PRKN: variants seen among roughly 807,000 people sequenced by gnomAD.
PRKN encodes the protein E3 ubiquitin-protein ligase parkin.
A neutral mutation model predicts 59.5 loss-of-function variants in PRKN; 56 were observed. That is an observed-to-expected ratio of 0.94 (90% CI 0.76 to 1.18). The LOEUF (loss-of-function observed/expected upper bound fraction) is 1.18, where lower values mean the gene tolerates loss of function less well. Among genes scored for constraint, PRKN ranks in the 50% most tolerant of loss-of-function variants. The probability of loss-of-function intolerance (pLI) is 0.00; values close to 1 mark genes in which losing one functional copy is unlikely to be tolerated. For missense variants in PRKN, 657 were observed against 596.4 expected, an observed-to-expected ratio of 1.10 and a Z score of -1.06; for synonymous variants, 250 against 222.1, an observed-to-expected ratio of 1.13 and a Z score of -1.12.
chr6:161,692,091 T>G (rs985072387), intron 7 of PRKN, among the ~76,000 whole-genome samples: 22 of 152,196 alleles, frequency 1.4e-4, no homozygotes, highest in Non-Finnish European at 2.4e-4. Flanking sequence ...TAAGGGAAAA[T>G]GGAAATAAAG....
intron 6 of PRKN, among the ~76,000 whole-genome samples, chr6:161,823,168 C>A (rs542632674): frequency 2.1e-4 from 32 of 151,330 alleles, no homozygotes; most frequent in African/African-American, 7.5e-4. Context: ...AACCCCTGGG[C>A]TCAAGTGATC....
At chr6:162,598,853 CAAA>C (rs35219327) in intron 1 of PRKN, among the ~76,000 whole-genome samples, 7 of 106,894 alleles carry the variant, frequency 6.5e-5, no homozygotes, top group Admixed American at 2.0e-4. Flanking sequence ...ATTCTGTCAC[CAAA>C]AAAAAAAAAA....
intron 6 of PRKN, among the ~76,000 whole-genome samples, chr6:161,968,187 A>ATT (rs530441181): frequency 1.2e-4 from 15 of 127,998 alleles, no homozygotes; most frequent in African/African-American, 2.7e-4. Flanking sequence ...TGCCTGGCTA[A>ATT]TTTTTTTTTT....
chr6:162,416,221 A>G (rs1226580405), intron 2 of PRKN, among the ~76,000 whole-genome samples: 1 of 152,108 alleles, frequency 6.6e-6, no homozygotes, highest in African/African-American at 2.4e-5. Context: ...CTATTTTCCT[A>G]AATAATATAT....
rs1202286278 is a variant in PRKN, at chr6:161,490,398, T to TTA, written c.1083+58455_1083+58456insTA. On this transcript the variant is annotated intron_variant, in intron 9 of 11. Coordinates refer to ENST00000366898, the MANE Select transcript of PRKN (RefSeq NM_004562.3). ...CTTTCTTTCTTTCCTTTTTTTTTTT[T>TTA]TTTTGAGACAGAGTCTCACTCTGTT... 2.7e-5 allele frequency among the ~76,000 whole-genome samples: 4 copies of TTA among 148,648 alleles called. No individual in the cohort carries two copies. In the South Asian group the frequency reaches 8.7e-4, roughly 32 times the overall value.
intron 2 of PRKN, among the ~76,000 whole-genome samples, chr6:162,265,978 C>T (rs1780113173): frequency 6.6e-6 from 1 of 152,196 alleles, no homozygotes; most frequent in South Asian, 2.1e-4. Context: ...CCGTGTCAGG[C>T]AGCACTCCTC....
At chr6:162,252,453 T>A (rs1181651722) in intron 3 of PRKN, among the ~76,000 whole-genome samples, 1 of 152,214 alleles carries the variant, frequency 6.6e-6, no homozygotes, top group Non-Finnish European at 1.5e-5. Flanking sequence ...CTTCTCCCAC[T>A]GCTATGGTCT....
At chr6:161,919,843 G>A (rs1158287817) in intron 6 of PRKN, among the ~76,000 whole-genome samples, 1 of 152,190 alleles carries the variant, frequency 6.6e-6, no homozygotes, top group Non-Finnish European at 1.5e-5. Flanking sequence ...AGGGACACAG[G>A]TAAAGTTGAA....
intron 7 of PRKN, among the ~76,000 whole-genome samples, chr6:161,704,203 G>A (rs967951564): frequency 2.0e-5 from 3 of 152,098 alleles, no homozygotes; most frequent in African/African-American, 4.8e-5. Context: ...CAGAGCCTGT[G>A]TGGCATCTAG....
chr6:162,205,808 T>G (rs1003891004), intron 3 of PRKN, among the ~76,000 whole-genome samples: 12 of 152,210 alleles, frequency 7.9e-5, no homozygotes, highest in African/African-American at 2.9e-4. Context: ...ATGGAGAACT[T>G]GAAACTTAGT....
Position 161,352,767 on chromosome 6 carries a change from A to ATTTTT in PRKN, c.1286-2557_1286-2556insAAAAA, listed in dbSNP as rs1477609421. Among the ~76,000 whole-genome samples the ATTTTT allele has an allele frequency of 2.6e-5, 3 of 113,386 alleles. No individual in the cohort carries two copies. The highest frequency in any genetic ancestry group is 8.9e-5 in the African/African-American group (3 of 33,548). The allele number at this position is 113,386 out of a possible 152,430, so 74.4% of individuals were successfully genotyped here. A position where few individuals can be genotyped will look rare whatever the true frequency, so the allele number is the denominator to read the frequency against. On this transcript the variant is annotated intron_variant, in intron 11 of 11. Coordinates refer to ENST00000366898, the MANE Select transcript of PRKN (RefSeq NM_004562.3). This position sits in a 1 kb window ranked among gnomAD's most constrained non-coding sequence, Gnocchi z 5.8. ...TGTGTGTGTGTGTGTATATATATAT[A>ATTTTT]TATATTTTATTTTATTTTATTTTAT...
intron 7 of PRKN, among the ~76,000 whole-genome samples, chr6:161,683,266 T>C (rs1399401830): frequency 1.3e-5 from 2 of 152,120 alleles, no homozygotes; most frequent in Admixed American, 6.5e-5. Context: ...AGCCCACTGA[T>C]TGCAACTCAG....
chr6:162,381,873 A>T (rs1306445747), intron 2 of PRKN, among the ~76,000 whole-genome samples: 2 of 152,170 alleles, frequency 1.3e-5, no homozygotes, highest in Admixed American at 6.5e-5. Context: ...GCATAACTCC[A>T]AGTAAAAATT....
At chr6:161,839,021 G>A (rs1402152946) in intron 6 of PRKN, among the ~76,000 whole-genome samples, 1 of 152,126 alleles carries the variant, frequency 6.6e-6, no homozygotes, top group Non-Finnish European at 1.5e-5. Flanking sequence ...GAGGTGGGGG[G>A]AGGAGCAGCC....
At chr6:161,603,281 C>T (rs1782169241) in intron 7 of PRKN, among the ~76,000 whole-genome samples, 2 of 152,142 alleles carry the variant, frequency 1.3e-5, no homozygotes, top group African/African-American at 2.4e-5. Flanking sequence ...TTCCTATGAT[C>T]GGCTAATTTA....
In PRKN at chr6:162,190,581, T is replaced by C. The variant is rs995338998; in HGVS notation, c.534+10550A>G. On this transcript the variant is annotated intron_variant, in intron 4 of 11. Transcript: ENST00000366898. ...TCCGTTTCCCACCCGGCTTTACTGATGCATTTACGCAGGTAGCTGGATATT... is the reference window on the plus strand; with the variant it reads ...TCCGTTTCCCACCCGGCTTTACTGACGCATTTACGCAGGTAGCTGGATATT... Among the ~76,000 whole-genome samples the C allele has an allele frequency of 5.3e-5, 8 of 152,182 alleles. No homozygotes were observed. In the East Asian group the frequency reaches 1.5e-3, roughly 29 times the overall value.
chr6:161,394,046 C>CTA (rs1202824370), intron 9 of PRKN, among the ~76,000 whole-genome samples: 1 of 152,124 alleles, frequency 6.6e-6, no homozygotes, highest in Non-Finnish European at 1.5e-5. Context: ...GGGAATCTAT[C>CTA]AAGAGAGGAA....
intron 4 of PRKN, among the ~76,000 whole-genome samples, chr6:162,130,635 G>A (rs1305407633): frequency 6.6e-6 from 1 of 152,146 alleles, no homozygotes. Flanking sequence ...GTAGCAGTAG[G>A]AAATCAATGC....
intron 6 of PRKN, among the ~76,000 whole-genome samples, chr6:161,804,312 A>T (rs1448791604): frequency 6.6e-6 from 1 of 152,194 alleles, no homozygotes; most frequent in African/African-American, 2.4e-5. Context: ...TCTGGTGATG[A>T]GCAGTGTGGA....
Sources: allele counts gnomAD v4.1 joint callset (sites outside exome capture counted in the v4.1 genomes callset), GRCh38; gene constraint gnomAD v4.1.1; non-coding constraint Gnocchi (gnomAD v3.1); transcripts MANE v1.5; gene names NCBI Gene and HGNC (gene_info 2026-07-23, HGNC 2026-07-21).